LRPPRC: variants seen among roughly 807,000 people sequenced by gnomAD.
LRPPRC encodes leucine rich pentatricopeptide repeat containing.
LRPPRC carries 120 observed loss-of-function variants against 180.3 expected under a neutral mutation model. The observed-to-expected ratio is 0.67, with a 90% CI of 0.57 to 0.77. LRPPRC has a LOEUF of 0.77. Among genes scored for constraint, LRPPRC ranks in the 30% least tolerant of loss-of-function variants. The pLI is 0.00. For missense variants in LRPPRC, 2,012 were observed against 1,657.2 expected (o/e 1.21, Z -3.72); for synonymous variants, 723 against 600.0 (o/e 1.21, Z -3.00).
At chr2:43,992,987 A>C (rs920850049) in intron 1 of LRPPRC, among the ~76,000 whole-genome samples, 1 of 152,204 alleles carries the variant, frequency 6.6e-6, no homozygotes, top group African/African-American at 2.4e-5. Context: ...ACCACGAGTA[A>C]AACTACCAAG....
At chr2:43,924,931 A>G in intron 27 of LRPPRC, 136 bp downstream of exon 27, 3 of 689,400 alleles carry the variant, frequency 4.4e-6, no homozygotes, top group Non-Finnish European at 7.9e-6. Flanking sequence ...AATTCAATCT[A>G]GCCTCTACCT....
At position 43,902,749 on chromosome 2, in the gene LRPPRC, A is replaced by G. The variant is rs543433348; in HGVS notation, c.3365-1225T>C. 232 of 152,178 alleles carry G rather than the reference A, an allele frequency of 1.5e-3. 3 individuals are homozygous for G. The highest frequency in any genetic ancestry group is 5.3e-3 in the African/African-American group (219 of 41,430). 9.4% of individuals were successfully genotyped at this position (152,178 alleles called of 1,614,324 possible). On this transcript the variant is annotated intron_variant, in intron 31 of 37. Transcript: ENST00000260665. Reference sequence around the variant, plus strand: ...TAATAAGCTTGATAAAATTTTGCTAATGGGTGGTCATACACAGATAATTAT... The same window carrying G: ...TAATAAGCTTGATAAAATTTTGCTAGTGGGTGGTCATACACAGATAATTAT...
chr2:43,944,176 C>T (rs994813407), intron 22 of LRPPRC, among the ~76,000 whole-genome samples: 28 of 152,024 alleles, frequency 1.8e-4, no homozygotes, highest in African/African-American at 6.5e-4. Flanking sequence ...CTGTAAGATC[C>T]TCCTAAATGG....
At chr2:43,955,073 G>A (rs913162605) in intron 14 of LRPPRC, among the ~76,000 whole-genome samples, 2 of 152,064 alleles carry the variant, frequency 1.3e-5, no homozygotes, top group African/African-American at 4.8e-5. Context: ...AGTACTTCAT[G>A]AACTCCATTA....
At chr2:43,937,147 G>A (rs77799752) in intron 23 of LRPPRC, among the ~76,000 whole-genome samples, 2,354 of 152,140 alleles carry the variant, frequency 0.015, 73 homozygotes, top group African/African-American at 0.054. Context: ...AAAGCGACAC[G>A]TTAATAGTCT....
Position 43,976,235 on chromosome 2 carries a change from A to G in LRPPRC, c.651-6T>C. On this transcript the variant is annotated splice_region_variant and splice_polypyrimidine_tract_variant and intron_variant, in intron 5 of 37. Coordinates refer to ENST00000260665, the MANE Select transcript of LRPPRC (RefSeq NM_133259.4). ...TCATAAATCCAAGAATCTTGCTGCA[A>G]AGGAAAAACGAAGATACTCATTGAA... 1 of 1,551,238 alleles carries G rather than the reference A, an allele frequency of 6.4e-7. No homozygotes were observed. Among genetic ancestry groups the G allele is most frequent in the Non-Finnish European group, 8.9e-7 (1 of 1,122,742 alleles).
chr2:43,923,144 T>C (rs919097126), intron 27 of LRPPRC, among the ~76,000 whole-genome samples: 3 of 136,736 alleles, frequency 2.2e-5, no homozygotes, highest in African/African-American at 8.5e-5. Context: ...AATTTTAAGA[T>C]GAAGCTAAAT....
At chr2:43,913,000 A>T (rs1326860003) in intron 29 of LRPPRC, among the ~76,000 whole-genome samples, 1 of 152,192 alleles carries the variant, frequency 6.6e-6, no homozygotes, top group East Asian at 1.9e-4. Flanking sequence ...TCTTTAATCT[A>T]TAAGTGGGTG....
At chr2:43,963,930 T>A (rs1310177394) in intron 11 of LRPPRC, 2 of 574,600 alleles carry the variant, frequency 3.5e-6, no homozygotes, top group African/African-American at 3.7e-5. Flanking sequence ...CAAGAAACTA[T>A]CCTTGAAATT....
chr2:43,899,641 T>C, intron 32 of LRPPRC, 36 bp from the exon 33 acceptor site: 1 of 1,502,988 alleles, frequency 6.7e-7, no homozygotes, highest in Non-Finnish European at 9.2e-7. Context: ...AAAAATTTGC[T>C]TTTATGTTAA....
At position 43,982,343 on chromosome 2, in the gene LRPPRC, T is replaced by C; in HGVS notation, c.241A>G (p.Asn81Asp). Residue 81 changes from asparagine to aspartate, a missense_variant, in exon 2 of 38, where the codon AAT becomes GAT. Transcript: ENST00000260665. ...CTCATTAGAGCCCAATCAAACTGATTGGAAATCTTCCTAGAAGAAAAAGTG... is the reference window on the plus strand; with the variant it reads ...CTCATTAGAGCCCAATCAAACTGATCGGAAATCTTCCTAGAAGAAAAAGTG... ...ESTFSSRKIS[N>D]QFDWALMRLD... 6.2e-7 allele frequency: 1 copy of C among 1,613,684 alleles called. No individual in the cohort carries two copies. Among genetic ancestry groups the C allele is most frequent in the Non-Finnish European group, 8.5e-7 (1 of 1,179,608 alleles).
intron 11 of LRPPRC, among the ~76,000 whole-genome samples, chr2:43,971,942 CTT>C (rs1673834118): frequency 1.3e-5 from 2 of 152,100 alleles, no homozygotes; most frequent in East Asian, 3.9e-4. Flanking sequence ...AAAGCATAAA[CTT>C]TTATATTTTT....
At chr2:43,917,485 C>G (rs1671514398) in intron 29 of LRPPRC, among the ~76,000 whole-genome samples, 3 of 151,090 alleles carry the variant, frequency 2.0e-5, no homozygotes, top group Non-Finnish European at 4.4e-5. Flanking sequence ...ATTATCACAT[C>G]TAATAAAAAT....
intron 23 of LRPPRC, among the ~76,000 whole-genome samples, chr2:43,941,718 T>G (rs540488920): frequency 3.6e-4 from 55 of 151,888 alleles, no homozygotes; most frequent in African/African-American, 1.3e-3. Flanking sequence ...ATTTCATAAA[T>G]ATAAAATTTC....
intron 19 of LRPPRC, 123 bp downstream of exon 19, chr2:43,947,608 C>T (rs1672736341): frequency 5.6e-6 from 4 of 714,294 alleles, no homozygotes; most frequent in Non-Finnish European, 1.0e-5. Context: ...GTTTTACCAA[C>T]TTCTTAGAGG....
At position 43,896,764 on chromosome 2, in the gene LRPPRC, A is replaced by T. The variant is rs569951400; in HGVS notation, c.3826-56T>A. ...AGGTTTCTGATAAACAAGTGGATCA[A>T]ACTGAATATTTCCAATTAAGAAAGT... On this transcript the variant is annotated intron_variant, in intron 34 of 37. Transcript: ENST00000260665. 3.0e-6 allele frequency: 3 copies of T among 998,160 alleles called. No homozygotes were observed. In the African/African-American group the frequency reaches 4.7e-5, roughly 16 times the overall value. 61.8% of individuals were successfully genotyped at this position (998,160 alleles called of 1,614,324 possible).
At chr2:43,972,941 G>A (rs1158750377) in intron 11 of LRPPRC, among the ~76,000 whole-genome samples, 1 of 152,110 alleles carries the variant, frequency 6.6e-6, no homozygotes, top group Admixed American at 6.6e-5. Context: ...TACTCTTTCT[G>A]AATTACCAAT....
rs573009012 is a variant in LRPPRC, at chr2:43,939,640, C to T, written c.2504+4047G>A. On this transcript the variant is annotated intron_variant, in intron 23 of 37. Transcript: ENST00000260665. ...AATTATTCTGTTAAGAGAACCAGCA[C>T]TTGAAAGAGCTAAATGTTTTTTTTC... 1.8e-4 allele frequency among the ~76,000 whole-genome samples: 27 copies of T among 152,288 alleles called. No homozygotes were observed. The South Asian group carries it at 5.2e-3, about 29-fold the overall frequency.
intron 11 of LRPPRC, among the ~76,000 whole-genome samples, chr2:43,965,895 C>G (rs1020362995): frequency 6.6e-6 from 1 of 152,104 alleles, no homozygotes; most frequent in Non-Finnish European, 1.5e-5. Context: ...AGAAAGGGAA[C>G]CCTGGTCTAC....
Sources: allele counts gnomAD v4.1 joint callset (sites outside exome capture counted in the v4.1 genomes callset), GRCh38; gene constraint gnomAD v4.1.1; transcripts MANE v1.5; gene names NCBI Gene and HGNC (gene_info 2026-07-23, HGNC 2026-07-21).